RAD50: variants seen among roughly 807,000 people sequenced by gnomAD.
The protein encoded by RAD50 is DNA repair protein RAD50.
A neutral mutation model predicts 168.8 loss-of-function variants in RAD50; 132 were observed. The observed-to-expected ratio is 0.78, with a 90% confidence interval of 0.68 to 0.90. RAD50 has a LOEUF of 0.90. Ranked by LOEUF, RAD50 falls within the 40% of genes least tolerant of loss-of-function variation. The pLI is 0.00. For missense variants in RAD50, 1,347 were observed against 1,534.4 expected (o/e 0.88, Z 2.04); for synonymous variants, 525 against 497.4 (o/e 1.06, Z -0.74).
intron 21 of RAD50, among the ~76,000 whole-genome samples, chr5:132,633,730 CA>C (rs1197467032): frequency 1.3e-5 from 2 of 152,020 alleles, no homozygotes; most frequent in African/African-American, 4.8e-5. Flanking sequence ...CACTCACCAC[CA>C]CACCCAGCTA....
chr5:132,593,032 A>T, intron 11 of RAD50: 1 of 353,074 alleles, frequency 2.8e-6, no homozygotes, highest in Non-Finnish European at 5.8e-6. Context: ...GGCATGAAGA[A>T]GATGATTTTT....
chr5:132,591,459 A>G lies in RAD50; in HGVS notation c.1635+53A>G, dbSNP rs1301823120. 9 of 1,523,520 alleles carry G rather than the reference A, an allele frequency of 5.9e-6. No individual in the cohort carries two copies. In the African/African-American group the frequency reaches 6.9e-5, roughly 12 times the overall value. The allele number at this position is 1,523,520 out of a possible 1,614,324, so 94.4% of individuals were successfully genotyped here. A position where few individuals can be genotyped will look rare whatever the true frequency, so the allele number is the denominator to read the frequency against. On this transcript the variant is annotated intron_variant, in intron 10 of 24. Transcript: ENST00000378823. ...TACTGTCTGGTACTTAAAATAGCCT[A>G]CCTTGCACTCATAAGTCATAGACTA...
At position 132,579,330 on chromosome 5, in the gene RAD50, G is replaced by A. The variant is rs28903086; in HGVS notation, c.379G>A (p.Val127Ile). The A allele has an allele frequency of 1.4e-3, 2,189 of 1,613,908 alleles. 4 individuals carry two copies. The highest frequency in any genetic ancestry group is 7.8e-3 in the Middle Eastern group (47 of 6,054). ...VITRTKHGEK[V>I]SLSSKCAEID... ...CATTTTCTGTAGGCATGGTGAAAAG[G>A]TCAGTCTGAGCTCTAAGTGTGCAGA... Residue 127 changes from valine to isoleucine, a missense_variant, in exon 4 of 25, where the codon GTC becomes ATC. By Grantham distance (29) the Val-to-Ile change is conservative. Coordinates refer to ENST00000378823, the MANE Select transcript of RAD50 (RefSeq NM_005732.4).
chr5:132,618,500 TCCCAAGTA>T (rs1751219446), intron 21 of RAD50, among the ~76,000 whole-genome samples: 1 of 152,178 alleles, frequency 6.6e-6, no homozygotes, highest in Non-Finnish European at 1.5e-5. Flanking sequence ...TGCCTCATCC[TCCCAAGTA>T]GCTGGTATTA....
rs2149868099 is a variant in RAD50 at position 132,643,734 on chromosome 5, G to GGGGGGGGGGGGGGGGGC, written c.*1370_*1371insGGGGGGGGGGGGGGGGC. On this transcript the variant is annotated 3_prime_UTR_variant, in exon 25 of 25. Transcript: ENST00000378823. ...GGGGGTGGTGGTGGGGTGGGGGGGG[G>GGGGGGGGGGGGGGGGGC]TCCTAAATGTAATCACGAGTAAGAT... The GGGGGGGGGGGGGGGGGC allele has an allele frequency of 3.4e-5, 6 of 177,100 alleles. No homozygotes were observed. Among genetic ancestry groups the GGGGGGGGGGGGGGGGGC allele is most frequent in the Non-Finnish European group, 4.7e-5 (4 of 84,830 alleles). 11.0% of individuals were successfully genotyped at this position (177,100 alleles called of 1,614,324 possible).
intron 16 of RAD50, 41 bp from the exon 17 acceptor site, chr5:132,608,574 A>T (rs1751025332): frequency 2.1e-6 from 3 of 1,450,634 alleles, no homozygotes; most frequent in Non-Finnish European, 2.8e-6. Context: ...AAGTAAGATA[A>T]TGGAATATTA....
At chr5:132,610,454 C>G (rs757145373) in intron 19 of RAD50, among the ~76,000 whole-genome samples, 1 of 151,866 alleles carries the variant, frequency 6.6e-6, no homozygotes, top group Non-Finnish European at 1.5e-5. Flanking sequence ...TATTAAGAAG[C>G]CATCATCACA....
intron 19 of RAD50, among the ~76,000 whole-genome samples, chr5:132,611,706 A>T (rs933064140): frequency 5.9e-5 from 3 of 51,186 alleles, no homozygotes; most frequent in Non-Finnish European, 9.7e-5. Flanking sequence ...ACTCCGTCTT[A>T]AAAAAAAAAA....
At chr5:132,621,361 C>T (rs894820752) in intron 21 of RAD50, among the ~76,000 whole-genome samples, 15 of 152,296 alleles carry the variant, frequency 9.8e-5, no homozygotes, top group African/African-American at 3.4e-4. Flanking sequence ...TAATTATCTT[C>T]TCTCATCTGC....
chr5:132,634,230 T>C (rs1457022120), intron 21 of RAD50, among the ~76,000 whole-genome samples: 2 of 152,180 alleles, frequency 1.3e-5, no homozygotes, highest in Non-Finnish European at 2.9e-5. Context: ...TGCTCAATCA[T>C]TTCCTTTTAT....
chr5:132,614,845 T>C (rs1346562729), intron 19 of RAD50, among the ~76,000 whole-genome samples: 1 of 152,040 alleles, frequency 6.6e-6, no homozygotes, highest in Admixed American at 6.6e-5. Flanking sequence ...AAAAAAACTC[T>C]AAAAATAGTC....
chr5:132,567,602 A>G (rs950034693), intron 2 of RAD50, among the ~76,000 whole-genome samples: 1 of 152,208 alleles, frequency 6.6e-6, no homozygotes, highest in African/African-American at 2.4e-5. Context: ...TCTTTGGCCA[A>G]ATACTAAGCT....
rs552469311 is a variant in RAD50 at position 132,615,015 on chromosome 5, G to C, written c.3037-988G>C. ...TTCCCATGTCACTGAGTTTAGCTTA[G>C]CTGCAAGGGCTATTGCAGGAGGGTC... is the stretch of plus-strand genomic sequence containing the variant. On this transcript the variant is annotated intron_variant, in intron 19 of 24. Transcript: ENST00000378823. Among the ~76,000 whole-genome samples, 769 of 152,186 alleles carry C rather than the reference G, an allele frequency of 5.1e-3. 10 individuals are homozygous for C. The highest frequency in any genetic ancestry group is 0.013 in the African/African-American group (550 of 41,524).
At chr5:132,573,687 C>G (rs905635133) in intron 2 of RAD50, among the ~76,000 whole-genome samples, 1 of 152,214 alleles carries the variant, frequency 6.6e-6, no homozygotes, top group Admixed American at 6.5e-5. Flanking sequence ...GTCCCTTCTG[C>G]CTATGCGCCT....
At chr5:132,631,876 C>G (rs757729382) in intron 21 of RAD50, among the ~76,000 whole-genome samples, 5 of 152,184 alleles carry the variant, frequency 3.3e-5, no homozygotes, top group Non-Finnish European at 7.4e-5. Context: ...CAGCCCAGAG[C>G]TGCCTTCTTT....
chr5:132,557,670 G>A (rs1031291070), intron 1 of RAD50, among the ~76,000 whole-genome samples: 3 of 152,182 alleles, frequency 2.0e-5, no homozygotes, highest in African/African-American at 7.2e-5. Flanking sequence ...CTGGGGACAA[G>A]GTTTACTTAA....
intron 11 of RAD50, 75 bp downstream of exon 11, chr5:132,592,109 T>C (rs952113191): frequency 6.8e-7 from 1 of 1,468,010 alleles, no homozygotes; most frequent in Non-Finnish European, 9.5e-7. Flanking sequence ...TTAAAATAAT[T>C]TATTGTCATG....
intron 19 of RAD50, among the ~76,000 whole-genome samples, chr5:132,611,255 G>A (rs1400819327): frequency 6.6e-6 from 1 of 152,138 alleles, no homozygotes; most frequent in Admixed American, 6.5e-5. Flanking sequence ...GCCAGGTGTG[G>A]TGACACGCGC....
At chr5:132,575,756 T>C in intron 2 of RAD50, 21 bp from the exon 3 acceptor site, 1 of 1,571,178 alleles carries the variant, frequency 6.4e-7, no homozygotes, top group Non-Finnish European at 8.8e-7. Flanking sequence ...ACATAAGTTT[T>C]TTCTGTGTTT....
Sources: allele counts gnomAD v4.1 joint callset (sites outside exome capture counted in the v4.1 genomes callset), GRCh38; gene constraint gnomAD v4.1.1; transcripts MANE v1.5; gene names NCBI Gene and HGNC (gene_info 2026-07-23, HGNC 2026-07-21).